FUT8: variants seen among roughly 807,000 people sequenced by gnomAD.
FUT8 encodes the protein fucosyltransferase 8.
FUT8 carries 29 observed loss-of-function variants against 71.3 expected under a neutral mutation model. The ratio of observed to expected loss-of-function variants is 0.41; its 90% CI spans 0.30 to 0.55. FUT8 has a LOEUF of 0.55. Among genes scored for constraint, FUT8 ranks in the 20% least tolerant of loss-of-function variants. The pLI, the probability that FUT8 is intolerant of heterozygous loss-of-function variation, is 0.34. For missense variants in FUT8, 544 were observed against 702.1 expected, an observed-to-expected ratio of 0.77 and a Z score of 2.55; for synonymous variants, 254 against 239.3, an observed-to-expected ratio of 1.06 and a Z score of -0.57.
intron 1 of FUT8, among the ~76,000 whole-genome samples, chr14:65,417,638 GGTA>G (rs1317068857): frequency 1.3e-5 from 2 of 152,002 alleles, no homozygotes; most frequent in African/African-American, 4.8e-5. Context: ...ACCTCTTTGT[GGTA>G]GTCTTTTTTT....
intron 6 of FUT8, among the ~76,000 whole-genome samples, chr14:65,662,079 G>T (rs973411710): frequency 6.6e-6 from 1 of 152,122 alleles, no homozygotes; most frequent in African/African-American, 2.4e-5. Flanking sequence ...GTCATTCTTG[G>T]AAACTAATAG....
At chr14:65,490,314 A>G (rs541428974) in intron 2 of FUT8, among the ~76,000 whole-genome samples, 1 of 152,252 alleles carries the variant, frequency 6.6e-6, no homozygotes, top group East Asian at 1.9e-4. Context: ...TAAGGTTCCC[A>G]TAACCTTTTA....
chr14:65,657,610 G>T (rs532085558), intron 6 of FUT8, among the ~76,000 whole-genome samples: 13 of 152,202 alleles, frequency 8.5e-5, no homozygotes, highest in African/African-American at 3.1e-4. Flanking sequence ...TTATTTGTGG[G>T]AGCTAAAAAT....
chr14:65,457,368 GA>G (rs995180587), intron 2 of FUT8, among the ~76,000 whole-genome samples: 5 of 152,170 alleles, frequency 3.3e-5, no homozygotes, highest in African/African-American at 1.2e-4. Flanking sequence ...TGGTCATTTT[GA>G]GTATAGAAAG....
chr14:65,602,339 TCTCTCACACACACACA>T (rs1366479712), intron 3 of FUT8, among the ~76,000 whole-genome samples: 7,100 of 88,144 alleles, frequency 0.081, 737 homozygotes, highest in Admixed American at 0.16. Flanking sequence ...TAGCGTTCCA[TCTCTCACACACACACA>T]CACACACACA....
intron 2 of FUT8, among the ~76,000 whole-genome samples, chr14:65,499,420 T>A (rs566455829): frequency 1.1e-3 from 174 of 152,250 alleles, no homozygotes; most frequent in African/African-American, 3.8e-3. Context: ...CTTTTTTTTT[T>A]AAGTAGTACA....
At chr14:65,724,400 G>T (rs1895577303) in intron 9 of FUT8, 77 bp downstream of exon 9, 3 of 855,500 alleles carry the variant, frequency 3.5e-6, no homozygotes, top group Non-Finnish European at 5.4e-6. Context: ...CCCATGACTT[G>T]TGATTTTTGT....
At chr14:65,594,445 C>T (rs1473634458) in intron 3 of FUT8, among the ~76,000 whole-genome samples, 3 of 152,192 alleles carry the variant, frequency 2.0e-5, no homozygotes, top group African/African-American at 7.2e-5. Flanking sequence ...TGTTGCAATG[C>T]TGTCTTAGCT....
Position 65,742,192 on chromosome 14 carries a change from G to T in FUT8, c.1510G>T (p.Ala504Ser). ...DDIYYFGGQN[A>S]HNQIAIYAHQ... ...CATCTACTATTTTGGGGGCCAGAAT[G>T]CCCACAATCAAATTGCCATTTATGC... The change falls in exon 11 of 11, where the codon GCC becomes TCC. Residue 504 changes from alanine to serine, a missense_variant. Coordinates refer to ENST00000673929, the MANE Select transcript of FUT8 (RefSeq NM_001371533.1). 6.2e-7 allele frequency: 1 copy of T among 1,613,108 alleles called. No individual in the cohort carries two copies. The highest frequency in any genetic ancestry group is 8.5e-7 in the Non-Finnish European group (1 of 1,179,394).
upstream of FUT8, chr14:65,412,447 C>G (rs2065144503): frequency 2.4e-6 from 1 of 419,684 alleles, no homozygotes; most frequent in Non-Finnish European, 4.8e-6. Flanking sequence ...AGGATCCGCT[C>G]GCGCCCCGCT....
intron 2 of FUT8, among the ~76,000 whole-genome samples, chr14:65,511,183 A>T (rs1882316192): frequency 1.3e-5 from 2 of 152,058 alleles, no homozygotes; most frequent in Admixed American, 6.5e-5. Context: ...TTCAGGGGCA[A>T]ATCATTTAAT....
chr14:65,545,762 T>A (rs1005646305), intron 2 of FUT8, among the ~76,000 whole-genome samples: 1 of 151,788 alleles, frequency 6.6e-6, no homozygotes, highest in African/African-American at 2.4e-5. Context: ...AAGGTTAGGT[T>A]AGTAAGAATG....
rs1487019700 is a variant in FUT8, at chr14:65,742,173, C to T, written c.1491C>T (p.Tyr497=). 6.2e-6 allele frequency: 10 copies of T among 1,613,146 alleles called. No homozygotes were observed. The Middle Eastern group carries it at 6.6e-4, about 107-fold the overall frequency. Residue 497 remains tyrosine (Y), a synonymous_variant, in exon 11 of 11, where the codon TAC becomes TAT. Coordinates refer to ENST00000673929, the MANE Select transcript of FUT8 (RefSeq NM_001371533.1). ...ACTTCCATTCTTTAGATGACATCTA[C>T]TATTTTGGGGGCCAGAATGCCCACA... The part of the protein sequence containing the change: ...SANFHSLDDI[Y]YFGGQNAHNQ...
chr14:65,721,355 A>C (rs1287538532), intron 7 of FUT8, among the ~76,000 whole-genome samples: 2 of 152,218 alleles, frequency 1.3e-5, no homozygotes, highest in Non-Finnish European at 2.9e-5. Flanking sequence ...TTCTGTCATG[A>C]AAGTAATGCA....
intron 2 of FUT8, among the ~76,000 whole-genome samples, chr14:65,475,266 T>C (rs1322355018): frequency 6.6e-6 from 1 of 152,214 alleles, no homozygotes; most frequent in African/African-American, 2.4e-5. Context: ...TCCCCTGATT[T>C]CCTCTATAAT....
At chr14:65,731,707 C>G (rs1267518791) in intron 9 of FUT8, among the ~76,000 whole-genome samples, 1 of 152,068 alleles carries the variant, frequency 6.6e-6, no homozygotes, top group Non-Finnish European at 1.5e-5. Context: ...GTTGCCCAGG[C>G]TGGTCTCGAA....
At chr14:65,473,450 C>A (rs1318464848) in intron 2 of FUT8, among the ~76,000 whole-genome samples, 1 of 152,038 alleles carries the variant, frequency 6.6e-6, no homozygotes, top group Non-Finnish European at 1.5e-5. Flanking sequence ...TTTTTTCTTA[C>A]TTATATAATT....
At chr14:65,361,356 C>CAAAAAAAAAA in the FUT8 span, among the ~76,000 whole-genome samples, 5 of 65,000 alleles carry the variant, frequency 7.7e-5, no homozygotes, top group African/African-American at 3.1e-4. Context: ...AACTCTGTCT[C>CAAAAAAAAAA]AAAAAAAAAA....
rs114037054 is a variant in FUT8, at chr14:65,528,326, G to T, written c.-227-33011G>T. ...CTGTGCTAGCAATGAGCAAGGCTCCGTGGACATGGGACCCTCCGAGCCAGG... is the reference window on the plus strand; with the variant it reads ...CTGTGCTAGCAATGAGCAAGGCTCCTTGGACATGGGACCCTCCGAGCCAGG... On this transcript the variant is annotated intron_variant, in intron 2 of 10. Coordinates refer to ENST00000673929, the MANE Select transcript of FUT8 (RefSeq NM_001371533.1). Among the ~76,000 whole-genome samples, 580 of 152,320 alleles carry T rather than the reference G, an allele frequency of 3.8e-3. 1 individual carries two copies. The highest frequency in any genetic ancestry group is 0.013 in the African/African-American group (542 of 41,578).
Sources: gnomAD v4.1 joint callset for allele counts (sites outside exome capture counted in the v4.1 genomes callset) on GRCh38, gnomAD v4.1.1 for gene constraint, MANE v1.5 for transcripts, NCBI Gene and HGNC (gene_info 2026-07-23, HGNC 2026-07-21) for gene names.